UNC80: variants seen among roughly 807,000 people sequenced by gnomAD.
UNC80 encodes the protein protein unc-80 homolog.
UNC80 carries 164 observed loss-of-function variants against 384.6 expected under a neutral mutation model. The ratio of observed to expected loss-of-function variants is 0.43; its 90% CI spans 0.38 to 0.49. The LOEUF is 0.49. UNC80 is among the 20% of genes least tolerant of loss of function. The pLI is 0.00. For missense variants in UNC80, 3,330 were observed against 4,143.0 expected, an observed-to-expected ratio of 0.80 and a Z score of 5.39; for synonymous variants, 1,486 against 1,527.8, an observed-to-expected ratio of 0.97 and a Z score of 0.64.
intron 7 of UNC80, among the ~76,000 whole-genome samples, chr2:209,805,352 A>G (rs925481677): frequency 6.6e-6 from 1 of 152,218 alleles, no homozygotes; most frequent in African/African-American, 2.4e-5. Context: ...TGGTTCCAAA[A>G]TCTGTATTAG....
Position 209,972,241 on chromosome 2 carries a change from C to T in UNC80, c.8297C>T (p.Pro2766Leu), listed in dbSNP as rs1403011787. Residue 2766 changes from proline to leucine, a missense_variant, in exon 55 of 65, where the codon CCA becomes CTA. Pro to Leu is a moderately conservative substitution (Grantham distance 98). Transcript: ENST00000673920. ...TTTCCTTTAAGCCATGTGATCTCCC[C>T]ATTCACCAATCAAGAGCGAAGGGAG... ...EDFPLSHVIS[P>L]FTNQERREGM... 6.4e-7 allele frequency: 1 copy of T among 1,551,596 alleles called. No homozygotes were observed. The highest frequency in any genetic ancestry group is 8.7e-7 in the Non-Finnish European group (1 of 1,146,878).
At chr2:209,907,371 A>G (rs1265920262) in intron 29 of UNC80, among the ~76,000 whole-genome samples, 1 of 152,156 alleles carries the variant, frequency 6.6e-6, no homozygotes, top group Non-Finnish European at 1.5e-5. Flanking sequence ...TTGATCAAAT[A>G]AAACTCCCAA....
chr2:209,795,614 G>A (rs945312853), intron 7 of UNC80: 4 of 152,292 alleles, frequency 2.6e-5, no homozygotes, highest in Non-Finnish European at 5.9e-5. Flanking sequence ...GGGTCCTCAT[G>A]CTGTGTGCAG....
chr2:209,922,381 A>C lies in UNC80; in HGVS notation c.5660A>C (p.Glu1887Ala). 2 of 1,551,536 alleles carry C rather than the reference A, an allele frequency of 1.3e-6. No individual in the cohort carries two copies. Among genetic ancestry groups the C allele is most frequent in the Non-Finnish European group, 1.7e-6 (2 of 1,146,838 alleles). Residue 1887 changes from glutamate to alanine, a missense_variant and splice_region_variant, in exon 35 of 65, where the codon GAA becomes GCA. Glu to Ala is a moderately radical substitution (Grantham distance 107). Coordinates refer to ENST00000673920, the MANE Select transcript of UNC80 (RefSeq NM_001371986.1). ...TCAGTGCGTTCAGCCGTCAGTGCTG[A>C]AGGTGTGTCCTCTTGCATACGTTTT... Reference protein sequence around the residue: ...VWSVRSAVSAEDEEHTTEHTP... With the variant: ...VWSVRSAVSAADEEHTTEHTP...
In UNC80 at chr2:209,815,330, A is replaced by G. The variant is rs1303982090; in HGVS notation, c.1274A>G (p.Asn425Ser). Residue 425 changes from asparagine to serine, a missense_variant, in exon 9 of 65, where the codon AAT becomes AGT. Asn to Ser is a conservative substitution (Grantham distance 46). This residue lies in a region of UNC80 where 937 missense variants were observed against 1,026.8 expected (regional missense o/e 0.91). Coordinates refer to ENST00000673920, the MANE Select transcript of UNC80 (RefSeq NM_001371986.1). The part of the protein sequence containing the change: ...SEAFSKVSLT[N>S]LRRSAVPDLS... ...GCCTTTTCCAAGGTTTCACTGACCA[A>G]TCTGCGTAGATCTGCAGTCCCAGAT... is the stretch of plus-strand genomic sequence containing the variant. 4 of 1,551,688 alleles carry G rather than the reference A, an allele frequency of 2.6e-6. No homozygotes were observed. Among genetic ancestry groups the G allele is most frequent in the Admixed American group, 3.9e-5 (2 of 51,002 alleles).
In UNC80 at chr2:209,984,925, T is replaced by A. The variant is rs1277832462; in HGVS notation, c.9314+13T>A. ...GCAGCCTCTCTAGGTACAGTGTCAA[T>A]GCTACCTGTCTATTGGTGTCTGTGC... On this transcript the variant is annotated intron_variant, in intron 61 of 64. Coordinates refer to ENST00000673920, the MANE Select transcript of UNC80 (RefSeq NM_001371986.1). 7 of 1,549,496 alleles carry A rather than the reference T, an allele frequency of 4.5e-6. No homozygotes were observed. The African/African-American group carries it at 8.2e-5, about 18-fold the overall frequency.
At chr2:209,835,804 A>G (rs193220508) in intron 18 of UNC80, among the ~76,000 whole-genome samples, 4 of 152,330 alleles carry the variant, frequency 2.6e-5, no homozygotes, top group African/African-American at 7.2e-5. Flanking sequence ...CTTCACAGTC[A>G]GGGAAATCAA....
At chr2:209,815,488 T>G (rs977620817) in intron 9 of UNC80, 97 bp downstream of exon 9, 6 of 1,353,726 alleles carry the variant, frequency 4.4e-6, no homozygotes, top group South Asian at 4.3e-5. Flanking sequence ...TGGGGTGAGG[T>G]GGGAAAGGGA....
chr2:209,970,537 A>T (rs972443738), intron 53 of UNC80, among the ~76,000 whole-genome samples: 1 of 152,182 alleles, frequency 6.6e-6, no homozygotes, highest in African/African-American at 2.4e-5. Context: ...ATTCCTTTGA[A>T]TTCACAACTA....
intron 7 of UNC80, among the ~76,000 whole-genome samples, chr2:209,813,053 A>G (rs1350855796): frequency 5.3e-5 from 8 of 152,196 alleles, no homozygotes; most frequent in Non-Finnish European, 1.0e-4. Flanking sequence ...GTTATTTTAC[A>G]TAATATTTTC....
At chr2:209,921,156 C>T (rs1406757940) in intron 33 of UNC80, among the ~76,000 whole-genome samples, 1 of 152,100 alleles carries the variant, frequency 6.6e-6, no homozygotes, top group Non-Finnish European at 1.5e-5. Flanking sequence ...AAAAACAGTT[C>T]AAAACATTCT....
In UNC80 at chr2:209,976,451, C is replaced by T; in HGVS notation, c.8772+148C>T. 2 of 1,010,768 alleles carry T rather than the reference C, an allele frequency of 2.0e-6. No homozygotes were observed. The highest frequency in any genetic ancestry group is 5.8e-5 in the Admixed American group (2 of 34,332). The allele number at this position is 1,010,768 out of a possible 1,614,324, so 62.6% of individuals were successfully genotyped here. A position where few individuals can be genotyped will look rare whatever the true frequency, so the allele number is the denominator to read the frequency against. On this transcript the variant is annotated intron_variant, in intron 57 of 64. Transcript: ENST00000673920. The surrounding 1 kb of genome is among the most constrained non-coding windows in gnomAD (Gnocchi z 4.3). ...AATACCATGCTTGATGAGAAAACCG[C>T]CCAAAAATATATTCCAGAGGATAAA...
chr2:209,976,907 T>C lies in UNC80; in HGVS notation c.8773-6T>C. 6.6e-7 allele frequency: 1 copy of C among 1,507,354 alleles called. No individual in the cohort carries two copies. The highest frequency in any genetic ancestry group is 9.0e-7 in the Non-Finnish European group (1 of 1,111,890). The allele number at this position is 1,507,354 out of a possible 1,614,324, so 93.4% of individuals were successfully genotyped here. A position where few individuals can be genotyped will look rare whatever the true frequency, so the allele number is the denominator to read the frequency against. The stretch of plus-strand genomic sequence containing the variant: ...AGGCCCTGAGAATGTTATGCCTTCC[T>C]TTCAGCTGCTGGCCCAACCAGCAGA... On this transcript the variant is annotated splice_polypyrimidine_tract_variant and splice_region_variant and intron_variant, in intron 57 of 64. Transcript: ENST00000673920. The surrounding 1 kb of genome is among the most constrained non-coding windows in gnomAD (Gnocchi z 4.3).
chr2:209,777,923 C>T (rs1327397168), intron 4 of UNC80, among the ~76,000 whole-genome samples: 1 of 152,164 alleles, frequency 6.6e-6, no homozygotes, highest in Non-Finnish European at 1.5e-5. Context: ...GACAGCCATT[C>T]CCTGAATATG....
chr2:209,976,952 G>T lies in UNC80; in HGVS notation c.8812G>T (p.Ala2938Ser). Residue 2938 changes from alanine (A) to serine (S), a missense_variant, in exon 58 of 65, where the codon GCC (alanine) becomes TCC (serine). Ala to Ser is a moderately conservative substitution (Grantham distance 99). This residue lies in a region of UNC80 where 216 missense variants were observed against 245.3 expected (regional missense o/e 0.88). Transcript: ENST00000673920. This position sits in a 1 kb window ranked among gnomAD's most constrained non-coding sequence, Gnocchi z 4.3. ...AGCAGAGAATCATGAAGAGCTTTCC[G>T]CCCGGCAACATATTGCCGACCAGCT... ...QPAENHEELSARQHIADQLER... is the reference protein window; with the variant it reads ...QPAENHEELSSRQHIADQLER... 1.3e-6 allele frequency: 2 copies of T among 1,528,536 alleles called. No homozygotes were observed. The highest frequency in any genetic ancestry group is 1.8e-6 in the Non-Finnish European group (2 of 1,127,782). 94.7% of individuals were successfully genotyped at this position (1,528,536 alleles called of 1,614,324 possible).
chr2:209,940,605 G>A (rs947585491), intron 43 of UNC80, among the ~76,000 whole-genome samples: 34 of 152,268 alleles, frequency 2.2e-4, no homozygotes, highest in African/African-American at 7.5e-4. Context: ...CTTGAGGTCA[G>A]GAGTTTGAGA....
chr2:209,857,772 T>G (rs1574767495), intron 22 of UNC80, among the ~76,000 whole-genome samples: 1 of 152,210 alleles, frequency 6.6e-6, no homozygotes, highest in Non-Finnish European at 1.5e-5. Context: ...TACTTTTAAG[T>G]ACTTTCTAAT....
intron 22 of UNC80, among the ~76,000 whole-genome samples, chr2:209,854,904 T>G (rs2124849024): frequency 6.6e-6 from 1 of 152,326 alleles, no homozygotes; most frequent in South Asian, 2.1e-4. Context: ...CTTAAAGACC[T>G]GGAACCAGAA....
intron 8 of UNC80, among the ~76,000 whole-genome samples, chr2:209,814,949 AAAAAC>A (rs2079624578): frequency 6.6e-6 from 1 of 151,146 alleles, no homozygotes. Context: ...ATTCAATGGA[AAAAAC>A]AAAACAAAAC....
Sources: gnomAD v4.1 joint callset for allele counts (sites outside exome capture counted in the v4.1 genomes callset) on GRCh38, gnomAD v4.1.1 for gene constraint, gnomAD v4.1.1 regional missense constraint, Gnocchi (gnomAD v3.1) non-coding constraint, MANE v1.5 for transcripts, NCBI Gene and HGNC (gene_info 2026-07-23, HGNC 2026-07-21) for gene names.